CRYBG1: variants seen among roughly 807,000 people sequenced by gnomAD.
The protein encoded by CRYBG1 is beta/gamma crystallin domain-containing protein 1.
A neutral mutation model predicts 189.2 loss-of-function variants in CRYBG1; 139 were observed. The ratio of observed to expected loss-of-function variants is 0.73; its 90% CI spans 0.64 to 0.85. The LOEUF is 0.85. Ranked by LOEUF, CRYBG1 falls within the 40% of genes least tolerant of loss-of-function variation. The pLI is 0.00. For synonymous variants in CRYBG1, 1,023 were observed against 1,017.1 expected, an observed-to-expected ratio of 1.01 and a Z score of -0.11; for missense variants, 2,611 against 2,675.8, an observed-to-expected ratio of 0.98 and a Z score of 0.53.
At chr6:106,442,422 G>A (rs1016833088) in intron 1 of CRYBG1, among the ~76,000 whole-genome samples, 5 of 152,268 alleles carry the variant, frequency 3.3e-5, no homozygotes, top group African/African-American at 1.2e-4. Context: ...CTAAGGTGGG[G>A]CAAAGGTAAA....
At chr6:106,525,441 A>G in intron 6 of CRYBG1, 55 bp downstream of exon 6, 1 of 1,419,938 alleles carries the variant, frequency 7.0e-7, no homozygotes, top group Non-Finnish European at 1.0e-6. Flanking sequence ...TACATACTTA[A>G]TTAACTTTTT....
chr6:106,553,295 A>G (rs1407761585), intron 15 of CRYBG1, among the ~76,000 whole-genome samples, 160 bp from the exon 16 acceptor site: 1 of 152,246 alleles, frequency 6.6e-6, no homozygotes, highest in Non-Finnish European at 1.5e-5. Context: ...TTTCTAATTG[A>G]TCATGAATGT....
intron 2 of CRYBG1, 40 bp downstream of exon 2, chr6:106,451,872 C>T (rs1771787610): frequency 9.9e-6 from 15 of 1,514,460 alleles, no homozygotes; most frequent in Non-Finnish European, 1.3e-5. Context: ...CAAGAATAAA[C>T]CCTTTAAAGA....
At chr6:106,530,384 C>T (rs1486915115) in intron 8 of CRYBG1, 69 bp downstream of exon 8, 14 of 1,406,372 alleles carry the variant, frequency 1.0e-5, no homozygotes, top group Non-Finnish European at 1.3e-5. Context: ...AAAAAGAGGA[C>T]TTAAGATACT....
Position 106,537,850 on chromosome 6 carries a change from C to G in CRYBG1, c.4719-1553C>G, listed in dbSNP as rs536590884. Among the ~76,000 whole-genome samples the G allele has an allele frequency of 2.6e-5, 4 of 152,262 alleles. No homozygotes were observed. In the South Asian group the frequency reaches 8.3e-4, roughly 32 times the overall value. On this transcript the variant is annotated intron_variant, in intron 8 of 21. Transcript: ENST00000633556. Reference sequence around the variant, plus strand: ...CAACATTCTTTCATGTGTGTGTTGTCAAATCATCAGTAGGAGCCTGGTTGT... The same window carrying G: ...CAACATTCTTTCATGTGTGTGTTGTGAAATCATCAGTAGGAGCCTGGTTGT...
At chr6:106,450,216 CAAAA>C (rs35161258) in intron 1 of CRYBG1, among the ~76,000 whole-genome samples, 6 of 111,826 alleles carry the variant, frequency 5.4e-5, no homozygotes, top group Admixed American at 9.5e-5. Flanking sequence ...GACTCTGTCT[CAAAA>C]AAAAAAAAAA....
At chr6:106,503,085 A>T (rs1773043252) in intron 2 of CRYBG1, among the ~76,000 whole-genome samples, 1 of 152,198 alleles carries the variant, frequency 6.6e-6, no homozygotes, top group Admixed American at 6.5e-5. Flanking sequence ...GAGAGAGAAC[A>T]GCGGCGGAAG....
chr6:106,567,422 G>A (rs960806024), intron 21 of CRYBG1, among the ~76,000 whole-genome samples: 2 of 152,204 alleles, frequency 1.3e-5, no homozygotes, highest in African/African-American at 2.4e-5. Flanking sequence ...GAGAAGAGAC[G>A]ATTTCCTTCC....
At chr6:106,379,188 T>G (rs1770237979) in intron 1 of CRYBG1, among the ~76,000 whole-genome samples, 1 of 152,178 alleles carries the variant, frequency 6.6e-6, no homozygotes, top group Admixed American at 6.6e-5. Flanking sequence ...CAAAATGATG[T>G]TGAAGTAAGA....
rs1014691749 is a variant in CRYBG1 at position 106,361,058 on chromosome 6, C to G, written c.150C>G (p.Leu50=). ...PDCGVFVPHP[L]PAPAGEARAL... is the part of the protein sequence containing the mutation. ...GTGGGGTGTTCGTTCCGCACCCGCT[C>G]CCGGCGCCTGCCGGAGAGGCCAGGT... Residue 50 remains leucine (L), a synonymous_variant, in exon 1 of 22, where the codon CTC becomes CTG. Transcript: ENST00000633556. 1 of 1,535,158 alleles carries G rather than the reference C, an allele frequency of 6.5e-7. No homozygotes were observed. The highest frequency in any genetic ancestry group is 8.7e-7 in the Non-Finnish European group (1 of 1,146,578).
chr6:106,528,414 A>G (rs783390), intron 7 of CRYBG1, among the ~76,000 whole-genome samples: 104,261 of 152,046 alleles, frequency 0.69, 35,868 homozygotes, highest in East Asian at 0.89. Context: ...TCTGATTCCC[A>G]CCATCATGAA....
chr6:106,409,362 G>A (rs545284350), intron 1 of CRYBG1, among the ~76,000 whole-genome samples: 46 of 152,156 alleles, frequency 3.0e-4, no homozygotes, highest in Non-Finnish European at 4.7e-4. Flanking sequence ...ACTGCTCAAG[G>A]AAATAAGAGA....
At chr6:106,372,815 G>T (rs76362682) in intron 1 of CRYBG1, among the ~76,000 whole-genome samples, 6 of 152,256 alleles carry the variant, frequency 3.9e-5, no homozygotes, top group African/African-American at 9.6e-5. Context: ...ATCTCATTCA[G>T]TCTTCATAGT....
At chr6:106,506,682 A>C (rs1489103809) in intron 2 of CRYBG1, among the ~76,000 whole-genome samples, 1 of 151,872 alleles carries the variant, frequency 6.6e-6, no homozygotes, top group African/African-American at 2.4e-5. Flanking sequence ...CGAACTCCTG[A>C]CCTCAGGTGA....
Position 106,527,459 on chromosome 6 carries a change from C to T in CRYBG1, c.4567C>T (p.His1523Tyr), listed in dbSNP as rs757334039. ...GCCAGTGGTGATTGGTTCCATCAGA[C>T]ATGTGGTTCAGGTAGGTTGTGGTAA... is the stretch of plus-strand genomic sequence containing the variant. Reference protein sequence around the residue: ...DKPVVIGSIRHVVQDYRVSHI... With the variant: ...DKPVVIGSIRYVVQDYRVSHI... Residue 1523 changes from histidine (H) to tyrosine (Y), a missense_variant, in exon 7 of 22, where the codon CAT becomes TAT. This residue lies in a region of CRYBG1 where 1,622 missense variants were observed against 1,735.0 expected (regional missense o/e 0.93). Coordinates refer to ENST00000633556, the MANE Select transcript of CRYBG1 (RefSeq NM_001371242.2). 7 of 1,610,350 alleles carry T rather than the reference C, an allele frequency of 4.3e-6. No individual in the cohort carries two copies. The highest frequency in any genetic ancestry group is 1.7e-5 in the Admixed American group (1 of 59,632).
chr6:106,551,384 T>A (rs189986761), intron 13 of CRYBG1, among the ~76,000 whole-genome samples: 19 of 152,384 alleles, frequency 1.2e-4, no homozygotes, highest in African/African-American at 4.6e-4. Flanking sequence ...ATGGTTTATA[T>A]GTACCACATT....
At chr6:106,541,480 C>T in intron 9 of CRYBG1, 106 bp from the exon 10 acceptor site, 1 of 1,092,262 alleles carries the variant, frequency 9.2e-7, no homozygotes, top group Non-Finnish European at 1.4e-6. Context: ...CAAACCAGAA[C>T]ATAGTCACAC....
chr6:106,389,206 T>C (rs1333043669), intron 1 of CRYBG1, among the ~76,000 whole-genome samples: 1 of 152,308 alleles, frequency 6.6e-6, no homozygotes. Flanking sequence ...GTTTGATTAC[T>C]AGGGAATTAG....
At position 106,520,197 on chromosome 6, in the gene CRYBG1, G is replaced by A. The variant is rs1425785391; in HGVS notation, c.2989G>A (p.Val997Ile). The A allele has an allele frequency of 2.5e-6, 4 of 1,614,134 alleles. No homozygotes were observed. The highest frequency in any genetic ancestry group is 2.5e-6 in the Non-Finnish European group (3 of 1,180,014). The change falls in exon 4 of 22, where the codon GTT becomes ATT. Residue 997 changes from valine (V) to isoleucine (I), a missense_variant. Val to Ile is a conservative substitution (Grantham distance 29, BLOSUM62 3). This residue lies in a region of CRYBG1 where 1,622 missense variants were observed against 1,735.0 expected (regional missense o/e 0.93). Coordinates refer to ENST00000633556, the MANE Select transcript of CRYBG1 (RefSeq NM_001371242.2). Reference protein sequence around the residue: ...PTCHSNEPEVVSVASCAPPQE... With the variant: ...PTCHSNEPEVISVASCAPPQE... The stretch of plus-strand genomic sequence containing the variant: ...TTGTCACAGTAATGAACCTGAAGTG[G>A]TTTCCGTTGCAAGTTGTGCTCCCCC...
Sources: gnomAD v4.1 joint callset for allele counts (sites outside exome capture counted in the v4.1 genomes callset) on GRCh38, gnomAD v4.1.1 for gene constraint, gnomAD v4.1.1 regional missense constraint, MANE v1.5 for transcripts, NCBI Gene and HGNC (gene_info 2026-07-23, HGNC 2026-07-21) for gene names.